Variants in MESP1 observed in about 807,000 individuals in gnomAD.
MESP1 encodes the protein mesoderm posterior protein 1.
In MESP1, 22 loss-of-function variants were observed where a neutral mutation model predicts 15.2. That is an observed-to-expected ratio of 1.45 (90% CI 1.04 to 2.07). MESP1 has a LOEUF of 2.07. Ranked by LOEUF, MESP1 falls within the 30% of genes most tolerant of loss-of-function variation. The pLI, the probability that MESP1 is intolerant of heterozygous loss-of-function variation, is 0.00. For missense variants in MESP1, 484 were observed against 411.9 expected (o/e 1.17, Z -1.51); for synonymous variants, 216 against 192.6 (o/e 1.12, Z -1.01).
chr15:89,739,653 G>C, the MESP1 span, among the ~76,000 whole-genome samples: 15 of 152,266 alleles, frequency 9.9e-5, no homozygotes, highest in East Asian at 2.5e-3. Flanking sequence ...GTGGACTGGG[G>C]TCATCAGTGG....
the MESP1 span, chr15:89,732,872 C>T: frequency 1.3e-6 from 1 of 775,230 alleles, no homozygotes; most frequent in South Asian, 1.6e-5. Context: ...GATTTTCTCT[C>T]ACAGGGTGCT....
chr15:89,733,176 G>A, the MESP1 span: 2 of 1,614,076 alleles, frequency 1.2e-6, no homozygotes, highest in Non-Finnish European at 1.7e-6. Flanking sequence ...TCTGGTGGAG[G>A]CTAGCGGGAC....
the MESP1 span, chr15:89,735,514 C>T: frequency 1.2e-6 from 2 of 1,614,116 alleles, no homozygotes; most frequent in Non-Finnish European, 1.7e-6. Flanking sequence ...TGGATAAAAC[C>T]ATCTGTGCCG....
chr15:89,747,539 C>T (rs1358239232), downstream of MESP1, among the ~76,000 whole-genome samples: 1 of 152,248 alleles, frequency 6.6e-6, no homozygotes, highest in African/African-American at 2.4e-5. Context: ...ACTCCCTCCA[C>T]GGCACGTGGG....
chr15:89,744,895 G>C (rs187960094), downstream of MESP1, among the ~76,000 whole-genome samples: 3 of 152,292 alleles, frequency 2.0e-5, no homozygotes, highest in African/African-American at 7.2e-5. Flanking sequence ...CTTCCCAATA[G>C]TGCCGGCAAA....
At chr15:89,738,252 T>C in the MESP1 span, 2 of 1,573,416 alleles carry the variant, frequency 1.3e-6, no homozygotes, top group African/African-American at 1.4e-5. Context: ...GAGCTCTGTG[T>C]CTTCACCCCC....
chr15:89,740,703 T>C, the MESP1 span, among the ~76,000 whole-genome samples: 1 of 152,048 alleles, frequency 6.6e-6, no homozygotes, highest in South Asian at 2.1e-4. Flanking sequence ...GGTTTCTCCA[T>C]GTTGGCCAGG....
chr15:89,736,178 C>T, the MESP1 span, among the ~76,000 whole-genome samples: 18 of 152,168 alleles, frequency 1.2e-4, no homozygotes, highest in Admixed American at 9.2e-4. Context: ...GATCTCAGTT[C>T]GGCGATGGAC....
the MESP1 span, among the ~76,000 whole-genome samples, chr15:89,744,557 C>T: frequency 6.6e-6 from 1 of 152,166 alleles, no homozygotes; most frequent in Admixed American, 6.5e-5. Flanking sequence ...CTTTAAGCAA[C>T]CTTGTGAAAC....
chr15:89,735,469 T>C, the MESP1 span: 3 of 1,612,776 alleles, frequency 1.9e-6, no homozygotes, highest in African/African-American at 4.0e-5. Context: ...GGAGAATGTC[T>C]GTATATTTTC....
chr15:89,748,712 GAGACAGAGACT>G (rs1211293337), downstream of MESP1: 1 of 152,204 alleles, frequency 6.6e-6, no homozygotes, highest in Non-Finnish European at 1.5e-5. Context: ...CAAACCTATA[GAGACAGAGACT>G]AGAAGAGTGA....
downstream of MESP1, chr15:89,748,545 T>C (rs1968018300): frequency 6.6e-6 from 1 of 152,258 alleles, no homozygotes. Context: ...AACTGTCATG[T>C]AGCTGAACAA....
At chr15:89,744,624 C>A in the MESP1 span, among the ~76,000 whole-genome samples, 3 of 152,242 alleles carry the variant, frequency 2.0e-5, no homozygotes, top group Non-Finnish European at 2.9e-5. Context: ...TCAGGTGAGA[C>A]AGCGTAGAAC....
the MESP1 span, among the ~76,000 whole-genome samples, chr15:89,744,094 C>T: frequency 6.6e-6 from 1 of 152,222 alleles, no homozygotes; most frequent in Non-Finnish European, 1.5e-5. Context: ...CGTGAGGACC[C>T]TGTGTGGAAC....
the MESP1 span, among the ~76,000 whole-genome samples, chr15:89,740,279 A>C: frequency 6.6e-6 from 1 of 152,084 alleles, no homozygotes; most frequent in Non-Finnish European, 1.5e-5. Context: ...TCATACCTGC[A>C]CTTAACAGGG....
At chr15:89,739,684 G>T in the MESP1 span, among the ~76,000 whole-genome samples, 4 of 152,102 alleles carry the variant, frequency 2.6e-5, no homozygotes, top group Non-Finnish European at 5.9e-5. Flanking sequence ...CCTCGTCCCG[G>T]GCCTGCCACT....
the MESP1 span, chr15:89,737,814 C>G: frequency 0.16 from 246,749 of 1,559,440 alleles, 21,795 homozygotes; most frequent in Non-Finnish European, 0.18. Flanking sequence ...CTCCGATCTC[C>G]TCCCCACTCT....
the MESP1 span, among the ~76,000 whole-genome samples, chr15:89,742,773 T>G: frequency 6.6e-6 from 1 of 152,198 alleles, no homozygotes; most frequent in Non-Finnish European, 1.5e-5. Flanking sequence ...CCTCAGGTGA[T>G]CCGCCTGCCT....
At chr15:89,733,362 C>A in the MESP1 span, 1 of 752,990 alleles carries the variant, frequency 1.3e-6, no homozygotes, top group South Asian at 1.9e-5. Context: ...TGAAGATCAC[C>A]AATGTCACAT....
Sources: gnomAD v4.1 joint callset for allele counts (sites outside exome capture counted in the v4.1 genomes callset) on GRCh38, gnomAD v4.1.1 for gene constraint, MANE v1.5 for transcripts, NCBI Gene and HGNC (gene_info 2026-07-23, HGNC 2026-07-21) for gene names.